Variants in UBN1 observed in about 807,000 individuals in gnomAD.
The protein encoded by UBN1 is ubinuclein-1.
UBN1 carries 17 observed loss-of-function variants against 108.5 expected under a neutral mutation model. The observed-to-expected ratio is 0.16, with a 90% CI of 0.11 to 0.24. The LOEUF (loss-of-function observed/expected upper bound fraction) is 0.24, where lower values mean the gene tolerates loss of function less well. Among genes scored for constraint, UBN1 ranks in the 10% least tolerant of loss-of-function variants. The pLI is 1.00. For missense variants in UBN1, 1,595 were observed against 1,394.4 expected (o/e 1.14, Z -2.29); for synonymous variants, 726 against 564.2 (o/e 1.29, Z -4.07).
chr16:4,862,689 G>A (rs985101855), intron 7 of UBN1, among the ~76,000 whole-genome samples: 2 of 152,250 alleles, frequency 1.3e-5, no homozygotes, highest in Non-Finnish European at 2.9e-5. Flanking sequence ...CCCCACTCGT[G>A]CCATAGGTTG....
chr16:4,881,281 TG>T lies in UBN1; in HGVS notation c.*1153del, dbSNP rs2088069013. The T allele has an allele frequency of 6.5e-6, 1 of 152,742 alleles. No homozygotes were observed. The highest frequency in any genetic ancestry group is 1.5e-5 in the Non-Finnish European group (1 of 68,144). 9.5% of individuals were successfully genotyped at this position (152,742 alleles called of 1,614,324 possible). ...CGGGTAGAAATAGGCCTTGAAGTCCTGGGGCTCTCCAGGCAGTGGGGTTATG... is the reference window on the plus strand; with the variant it reads ...CGGGTAGAAATAGGCCTTGAAGTCCTGGGCTCTCCAGGCAGTGGGGTTATG... On this transcript the variant is annotated 3_prime_UTR_variant, in exon 18 of 18. Coordinates refer to ENST00000262376, the MANE Select transcript of UBN1 (RefSeq NM_001079514.3).
At chr16:4,852,466 A>G (rs1333616662) in intron 1 of UBN1, 1 of 158,122 alleles carries the variant, frequency 6.3e-6, no homozygotes, top group African/African-American at 2.4e-5. Flanking sequence ...TGTCATTGTG[A>G]AGATTGGCTC....
chr16:4,868,307 C>T (rs767100544), intron 7 of UBN1, among the ~76,000 whole-genome samples: 1 of 152,156 alleles, frequency 6.6e-6, no homozygotes, highest in Non-Finnish European at 1.5e-5. Flanking sequence ...GTTAATTATT[C>T]ACATGGTCTG....
In UBN1 at chr16:4,882,252, TGA is replaced by T. The variant is rs1198972102; in HGVS notation, c.*2124_*2125del. ...ACCGGGCGTGACCGTTTCTTAGGTG[TGA>T]GAGGGGCTGTGGCTTTTGTGCAGCG... On this transcript the variant is annotated 3_prime_UTR_variant, in exon 18 of 18. Coordinates refer to ENST00000262376, the MANE Select transcript of UBN1 (RefSeq NM_001079514.3). 6 of 152,670 alleles carry T rather than the reference TGA, an allele frequency of 3.9e-5. No individual in the cohort carries two copies. The highest frequency in any genetic ancestry group is 7.4e-5 in the Non-Finnish European group (5 of 68,012). 9.5% of individuals were successfully genotyped at this position (152,670 alleles called of 1,614,324 possible).
At chr16:4,871,085 AG>A (rs1228476897) in intron 11 of UBN1, 69 bp from the exon 12 acceptor site, 1 of 1,605,158 alleles carries the variant, frequency 6.2e-7, no homozygotes, top group Non-Finnish European at 8.5e-7. Context: ...GGCTGCTGAA[AG>A]CACATGATTG....
At chr16:4,868,933 G>C (rs376103937) in intron 8 of UBN1, 30 bp downstream of exon 8, 6 of 1,611,582 alleles carry the variant, frequency 3.7e-6, no homozygotes, top group African/African-American at 2.7e-5. Context: ...CTGTCTGTCT[G>C]TCTGTTTCTG....
chr16:4,858,766 T>TA, intron 4 of UBN1, 103 bp downstream of exon 4: 1 of 1,151,936 alleles, frequency 8.7e-7, no homozygotes, highest in Non-Finnish European at 1.3e-6. Context: ...CGTGCCCTCT[T>TA]CCCAGCATGA....
intron 7 of UBN1, among the ~76,000 whole-genome samples, chr16:4,861,985 C>T (rs978728630): frequency 3.3e-5 from 5 of 152,180 alleles, no homozygotes; most frequent in Admixed American, 6.5e-5. Flanking sequence ...TCTAGCAGCT[C>T]TTGCTGTTTT....
rs1455945440 is a variant in UBN1 at position 4,875,195 on chromosome 16, G to A, written c.2785G>A (p.Val929Ile). The stretch of plus-strand genomic sequence containing the variant: ...GGGAGGAACACCAGTCCAGAGTTCT[G>A]TTTCTGGGAGCCTGGTCCCTGGCAT... ...SSGGTPVQSSVSGSLVPGIQP... is the reference protein window; with the variant it reads ...SSGGTPVQSSISGSLVPGIQP... Residue 929 changes from valine (V) to isoleucine (I), a missense_variant, in exon 15 of 18, where the codon GTT (valine) becomes ATT (isoleucine). Val to Ile is a conservative substitution (Grantham distance 29). This residue lies in a region of UBN1 where 1,398 missense variants were observed against 1,194.7 expected (regional missense o/e 1.17). Transcript: ENST00000262376. The A allele has an allele frequency of 6.2e-7, 1 of 1,614,128 alleles. No individual in the cohort carries two copies. Among genetic ancestry groups the A allele is most frequent in the African/African-American group, 1.3e-5 (1 of 74,940 alleles).
rs890915961 is a variant in UBN1, at chr16:4,881,152, C to T, written c.*1020C>T. The T allele has an allele frequency of 6.6e-6, 1 of 152,594 alleles. No individual in the cohort carries two copies. The highest frequency in any genetic ancestry group is 1.5e-5 in the Non-Finnish European group (1 of 68,050). The allele number at this position is 152,594 out of a possible 1,614,324, so 9.5% of individuals were successfully genotyped here. ...CAGAGCCCTTCATCTCTCTGAGGGT[C>T]AAGGATACCAGGGGTCCCAAGTCAC... On this transcript the variant is annotated 3_prime_UTR_variant, in exon 18 of 18. Coordinates refer to ENST00000262376, the MANE Select transcript of UBN1 (RefSeq NM_001079514.3).
At chr16:4,849,059 C>A (rs2086380073) in intron 1 of UBN1, among the ~76,000 whole-genome samples, 2 of 152,210 alleles carry the variant, frequency 1.3e-5, no homozygotes. Flanking sequence ...GAGATTATGT[C>A]ACTGCACTCC....
intron 7 of UBN1, among the ~76,000 whole-genome samples, chr16:4,867,012 T>TG (rs966182649): frequency 6.6e-6 from 1 of 152,172 alleles, no homozygotes; most frequent in African/African-American, 2.4e-5. Flanking sequence ...GCCGGCCTCC[T>TG]GGGGAAGATG....
At chr16:4,867,015 GGAA>G (rs1238438657) in intron 7 of UBN1, among the ~76,000 whole-genome samples, 1 of 152,228 alleles carries the variant, frequency 6.6e-6, no homozygotes, top group African/African-American at 2.4e-5. Flanking sequence ...GGCCTCCTGG[GGAA>G]GATGCCCTAA....
At chr16:4,853,982 T>A (rs2086676104) in intron 2 of UBN1, among the ~76,000 whole-genome samples, 1 of 152,164 alleles carries the variant, frequency 6.6e-6, no homozygotes, top group Non-Finnish European at 1.5e-5. Flanking sequence ...ACCTCAATAC[T>A]TATGGGCAAC....
intron 7 of UBN1, among the ~76,000 whole-genome samples, chr16:4,867,664 T>A (rs897132610): frequency 6.6e-6 from 1 of 152,008 alleles, no homozygotes; most frequent in Non-Finnish European, 1.5e-5. Context: ...CTAGTGAGAA[T>A]CCTGGGGTCC....
intron 8 of UBN1, among the ~76,000 whole-genome samples, chr16:4,869,242 A>G (rs142376811): frequency 1.1e-4 from 17 of 152,268 alleles, no homozygotes; most frequent in African/African-American, 4.1e-4. Flanking sequence ...GTCTCTGAGA[A>G]TCCTGAAGAA....
intron 1 of UBN1, among the ~76,000 whole-genome samples, chr16:4,851,365 G>A (rs945149583): frequency 2.0e-5 from 3 of 152,106 alleles, no homozygotes; most frequent in African/African-American, 7.2e-5. Flanking sequence ...TAGGAGGATC[G>A]CTTTAGCTTG....
Position 4,881,261 on chromosome 16 carries a change from A to G in UBN1, c.*1129A>G, listed in dbSNP as rs2088068420. On this transcript the variant is annotated 3_prime_UTR_variant, in exon 18 of 18. Transcript: ENST00000262376. ...GGCCTCTGTGAAGTGTCTGCCGGGT[A>G]GAAATAGGCCTTGAAGTCCTGGGGC... The G allele has an allele frequency of 6.6e-6, 1 of 152,638 alleles. No individual in the cohort carries two copies. Among genetic ancestry groups the G allele is most frequent in the Non-Finnish European group, 1.5e-5 (1 of 68,066 alleles). 9.5% of individuals were successfully genotyped at this position (152,638 alleles called of 1,614,324 possible). A position where few individuals can be genotyped will look rare whatever the true frequency, so the allele number is the denominator to read the frequency against.
At chr16:4,864,515 A>G (rs1610232) in intron 7 of UBN1, among the ~76,000 whole-genome samples, 20,827 of 152,118 alleles carry the variant, frequency 0.14, 1,603 homozygotes, top group East Asian at 0.24. Flanking sequence ...GTACATTTGT[A>G]TAGGCCCCAG....
Sources: allele counts gnomAD v4.1 joint callset (sites outside exome capture counted in the v4.1 genomes callset), GRCh38; gene constraint gnomAD v4.1.1; regional missense constraint gnomAD v4.1.1; transcripts MANE v1.5; gene names NCBI Gene and HGNC (gene_info 2026-07-23, HGNC 2026-07-21).